CPNE5: variants seen among roughly 807,000 people sequenced by gnomAD.
CPNE5 encodes the protein copine-5.
CPNE5 carries 42 observed loss-of-function variants against 81.1 expected under a neutral mutation model. That is an observed-to-expected ratio of 0.52 (90% CI 0.40 to 0.67). The LOEUF is 0.67. Ranked by LOEUF, CPNE5 falls within the 30% of genes least tolerant of loss-of-function variation. The pLI, the probability that CPNE5 is intolerant of heterozygous loss-of-function variation, is 0.00. For missense variants in CPNE5, 612 were observed against 815.5 expected (o/e 0.75, Z 3.04); for synonymous variants, 313 against 321.5 (o/e 0.97, Z 0.28).
At chr6:36,765,201 C>A in intron 11 of CPNE5, 134 bp downstream of exon 11, 2 of 847,404 alleles carry the variant, frequency 2.4e-6, no homozygotes, top group Non-Finnish European at 1.8e-6. Flanking sequence ...TCCACACACA[C>A]GCAAACCCAG....
At chr6:36,744,998 G>C (rs749400089) in intron 18 of CPNE5, 50 bp downstream of exon 18, 1 of 1,318,144 alleles carries the variant, frequency 7.6e-7, no homozygotes, top group Non-Finnish European at 1.1e-6. Flanking sequence ...CCCTAACGGG[G>C]AGGAAGACAC....
chr6:36,761,711 TCA>T (rs1247511138), intron 12 of CPNE5, among the ~76,000 whole-genome samples: 1 of 152,216 alleles, frequency 6.6e-6, no homozygotes, highest in East Asian at 1.9e-4. Context: ...TATTTAATTC[TCA>T]GTTTGCATGG....
At chr6:36,815,175 C>CAA (rs11375655) in intron 3 of CPNE5, among the ~76,000 whole-genome samples, 47 of 147,274 alleles carry the variant, frequency 3.2e-4, no homozygotes, top group African/African-American at 7.8e-4. Context: ...AAAAAAAGAA[C>CAA]AAAAAAAAAG....
chr6:36,783,378 TAA>T (rs36056853), intron 8 of CPNE5, among the ~76,000 whole-genome samples: 8,423 of 118,492 alleles, frequency 0.071, 393 homozygotes, highest in African/African-American at 0.15. Context: ...GCAGTAAAAG[TAA>T]AAAAAAAAAA....
chr6:36,789,818 G>A (rs1382612313), intron 8 of CPNE5, among the ~76,000 whole-genome samples: 2 of 152,310 alleles, frequency 1.3e-5, no homozygotes, highest in South Asian at 2.1e-4. Flanking sequence ...ACTGCACCCC[G>A]AGTCCTGCCC....
chr6:36,809,793 G>C (rs547112187), intron 3 of CPNE5, among the ~76,000 whole-genome samples: 1 of 151,772 alleles, frequency 6.6e-6, no homozygotes, highest in Non-Finnish European at 1.5e-5. Flanking sequence ...AGCCAGTGGG[G>C]CTCCCAGCGC....
At chr6:36,759,559 G>A (rs752153789) in intron 12 of CPNE5, among the ~76,000 whole-genome samples, 2 of 151,990 alleles carry the variant, frequency 1.3e-5, no homozygotes, top group Admixed American at 6.6e-5. Flanking sequence ...AGGACTTCAA[G>A]GTCTTTGAGG....
chr6:36,775,949 T>A (rs978733437), intron 9 of CPNE5, among the ~76,000 whole-genome samples: 2 of 152,196 alleles, frequency 1.3e-5, no homozygotes, highest in Non-Finnish European at 2.9e-5. Context: ...CTTTCACTGG[T>A]ATGTCAATCC....
intron 1 of CPNE5, among the ~76,000 whole-genome samples, chr6:36,833,130 C>A (rs1773104410): frequency 6.6e-6 from 1 of 152,168 alleles, no homozygotes; most frequent in Non-Finnish European, 1.5e-5. Context: ...AGAACCCAAC[C>A]TCCAATCTCA....
intron 3 of CPNE5, among the ~76,000 whole-genome samples, chr6:36,812,191 T>C (rs959666593): frequency 1.3e-5 from 2 of 152,192 alleles, no homozygotes; most frequent in African/African-American, 4.8e-5. Flanking sequence ...GAAAACCACA[T>C]TCACATCCCA....
At chr6:36,755,784 T>G (rs1413070678) in intron 13 of CPNE5, 2 of 164,136 alleles carry the variant, frequency 1.2e-5, no homozygotes, top group Non-Finnish European at 2.7e-5. Flanking sequence ...TGGAGTGAGA[T>G]GTCATGTTGA....
At chr6:36,791,789 C>T (rs976576580) in intron 8 of CPNE5, among the ~76,000 whole-genome samples, 8 of 152,086 alleles carry the variant, frequency 5.3e-5, no homozygotes, top group South Asian at 2.1e-4. Context: ...AGCTAGGGGA[C>T]GGGGCTCAGC....
At chr6:36,812,157 G>A (rs1362516497) in intron 3 of CPNE5, among the ~76,000 whole-genome samples, 1 of 152,180 alleles carries the variant, frequency 6.6e-6, no homozygotes, top group Non-Finnish European at 1.5e-5. Flanking sequence ...CTGGGCAGAG[G>A]AGAAGACCAG....
rs762104546 is a variant in CPNE5 at position 36,742,423 on chromosome 6, C to T, written c.1627G>A (p.Ala543Thr). The T allele has an allele frequency of 1.9e-6, 3 of 1,613,630 alleles. No homozygotes were observed. Among genetic ancestry groups the T allele is most frequent in the Non-Finnish European group, 2.5e-6 (3 of 1,179,998 alleles). Residue 543 changes from alanine (A) to threonine (T), a missense_variant, in exon 21 of 21, where the codon GCC (alanine) becomes ACC (threonine). Ala to Thr is a moderately conservative substitution (Grantham distance 58). Transcript: ENST00000244751. ...GNHVLSMARLARDVLAEIPDQ... is the reference protein window; with the variant it reads ...GNHVLSMARLTRDVLAEIPDQ... ...GGGATCTCTGCCAGCACGTCTCGGG[C>T]CAGGCGGGCCATGCTCAGCACGTGG...
At chr6:36,800,262 T>C (rs9462221) in intron 3 of CPNE5, among the ~76,000 whole-genome samples, 192 bp from the exon 4 acceptor site, 2,564 of 152,266 alleles carry the variant, frequency 0.017, 57 homozygotes, top group African/African-American at 0.049. Context: ...GTGGAAGCCA[T>C]GTACAGTATG....
intron 3 of CPNE5, among the ~76,000 whole-genome samples, chr6:36,818,503 C>A (rs1020994609): frequency 6.6e-6 from 1 of 152,158 alleles, no homozygotes; most frequent in Non-Finnish European, 1.5e-5. Flanking sequence ...ACCAGGAAGG[C>A]CCCAAACACT....
At chr6:36,768,891 CT>C (rs1489222227) in intron 10 of CPNE5, among the ~76,000 whole-genome samples, 2 of 152,238 alleles carry the variant, frequency 1.3e-5, no homozygotes, top group Non-Finnish European at 2.9e-5. Context: ...CCCCGAGCAA[CT>C]GGCTTAACCC....
At chr6:36,779,042 G>A (rs1767790945) in intron 8 of CPNE5, 85 bp from the exon 9 acceptor site, 1 of 895,706 alleles carries the variant, frequency 1.1e-6, no homozygotes, top group African/African-American at 1.6e-5. Flanking sequence ...GAGGAGTCCA[G>A]GCACCAGCCC....
rs901630218 is a variant in CPNE5, at chr6:36,746,332, C to A, written c.1200+64G>T. On this transcript the variant is annotated intron_variant, in intron 16 of 20. Transcript: ENST00000244751. The surrounding 1 kb of genome is among the most constrained non-coding windows in gnomAD (Gnocchi z 4.5). ...TCAGAGGAAGGGAAACGTCCCCCCACCCCCAGCTTGTCACCTCACCCCCAG... is the reference window on the plus strand; with the variant it reads ...TCAGAGGAAGGGAAACGTCCCCCCAACCCCAGCTTGTCACCTCACCCCCAG... The A allele has an allele frequency of 6.6e-6, 9 of 1,368,160 alleles. No individual in the cohort carries two copies. Among genetic ancestry groups the A allele is most frequent in the Non-Finnish European group, 8.8e-6 (9 of 1,021,052 alleles). The allele number at this position is 1,368,160 out of a possible 1,614,324, so 84.8% of individuals were successfully genotyped here.
Sources: gnomAD v4.1 joint callset for allele counts (sites outside exome capture counted in the v4.1 genomes callset) on GRCh38, gnomAD v4.1.1 for gene constraint, Gnocchi (gnomAD v3.1) non-coding constraint, MANE v1.5 for transcripts, NCBI Gene and HGNC (gene_info 2026-07-23, HGNC 2026-07-21) for gene names.